MEGF6: variants seen among roughly 807,000 people sequenced by gnomAD.
MEGF6 encodes multiple epidermal growth factor-like domains protein 6.
In MEGF6, 184 loss-of-function variants were observed where a neutral mutation model predicts 207.1. That is an observed-to-expected ratio of 0.89 (90% CI 0.79 to 1.00). The LOEUF is 1.00. Ranked by LOEUF, MEGF6 falls within the 50% of genes least tolerant of loss-of-function variation. MEGF6 has a pLI of 0.00. For missense variants in MEGF6, 2,282 were observed against 2,202.9 expected, an observed-to-expected ratio of 1.04 and a Z score of -0.72; for synonymous variants, 1,038 against 910.0, an observed-to-expected ratio of 1.14 and a Z score of -2.53.
intron 4 of MEGF6, among the ~76,000 whole-genome samples, chr1:3,537,541 C>A (rs941970955): frequency 6.6e-6 from 1 of 152,358 alleles, no homozygotes; most frequent in Admixed American, 6.5e-5. Context: ...GGACCCTGAA[C>A]GAGTGGCCGG....
At chr1:3,496,315 C>A (rs1030495719) in intron 29 of MEGF6, among the ~76,000 whole-genome samples, 3 of 152,254 alleles carry the variant, frequency 2.0e-5, no homozygotes, top group African/African-American at 4.8e-5. Context: ...AGGGAAGAGG[C>A]CCGTTTCCCA....
intron 4 of MEGF6, among the ~76,000 whole-genome samples, chr1:3,544,867 G>C (rs1402501102): frequency 1.3e-5 from 2 of 152,214 alleles, no homozygotes; most frequent in African/African-American, 2.4e-5. Context: ...TGGAGCTGGG[G>C]GCAGGGTGGC....
upstream of MEGF6, among the ~76,000 whole-genome samples, chr1:3,614,502 A>G (rs540602953): frequency 5.3e-5 from 8 of 152,234 alleles, no homozygotes; most frequent in Non-Finnish European, 1.0e-4. Context: ...ATATTCTCCA[A>G]GAATGATCTT....
At chr1:3,495,174 A>G (rs1027615828) in intron 30 of MEGF6, among the ~76,000 whole-genome samples, 20 of 152,180 alleles carry the variant, frequency 1.3e-4, no homozygotes, top group African/African-American at 4.6e-4. Flanking sequence ...TTACAGCCGG[A>G]TGCCTGATGA....
intron 5 of MEGF6, among the ~76,000 whole-genome samples, chr1:3,520,357 T>C (rs953901235): frequency 2.6e-5 from 4 of 152,182 alleles, no homozygotes; most frequent in Admixed American, 2.6e-4. Flanking sequence ...CCTCTCTGAG[T>C]GTTGCACGCT....
Position 3,494,115 on chromosome 1 carries a change from G to C in MEGF6, c.4139C>G (p.Pro1380Arg). 1 of 1,571,010 alleles carries C rather than the reference G, an allele frequency of 6.4e-7. No individual in the cohort carries two copies. Among genetic ancestry groups the C allele is most frequent in the Non-Finnish European group, 8.6e-7 (1 of 1,157,632 alleles). The change falls in exon 33 of 37, where the codon CCT (proline) becomes CGT (arginine). Residue 1380 changes from proline (P) to arginine (R), a missense_variant. Pro to Arg is a moderately radical substitution (Grantham distance 103). Transcript: ENST00000356575. ...CTGGCAGCCAGCCCCGTGGAAGCCAGGGGGACAGGCTGAAGGACGCCGGTT... is the reference window on the plus strand; with the variant it reads ...CTGGCAGCCAGCCCCGTGGAAGCCACGGGGACAGGCTGAAGGACGCCGGTT... ...YGQACEHPCP[P>R]GFHGAGCQGL... is the part of the protein sequence containing the mutation.
chr1:3,583,952 G>A (rs928449073), intron 3 of MEGF6, among the ~76,000 whole-genome samples: 1 of 152,228 alleles, frequency 6.6e-6, no homozygotes, highest in African/African-American at 2.4e-5. Context: ...CCGGCCTCCA[G>A]AGCTGTCGAG....
At chr1:3,603,698 C>A (rs1169909257) in intron 1 of MEGF6, among the ~76,000 whole-genome samples, 1 of 152,132 alleles carries the variant, frequency 6.6e-6, no homozygotes, top group Non-Finnish European at 1.5e-5. Flanking sequence ...AGGTCCCCAC[C>A]CCACCGGGAA....
chr1:3,568,920 T>C (rs1643423524), intron 4 of MEGF6, among the ~76,000 whole-genome samples: 1 of 152,178 alleles, frequency 6.6e-6, no homozygotes, highest in South Asian at 2.1e-4. Flanking sequence ...CTAGCCTCTC[T>C]ACCCAGAAAA....
In MEGF6 at chr1:3,499,571, G is replaced by A. The variant is rs1309180460; in HGVS notation, c.2965+17C>T. On this transcript the variant is annotated intron_variant, in intron 23 of 36. Transcript: ENST00000356575. ...CCCCTCCTGCAGCACCCCGGGCTGA[G>A]CAGGGACCTCACGCACTCTCGGCAC... 1 of 1,567,824 alleles carries A rather than the reference G, an allele frequency of 6.4e-7. No individual in the cohort carries two copies. Among genetic ancestry groups the A allele is most frequent in the Admixed American group, 1.9e-5 (1 of 53,892 alleles).
In MEGF6 at chr1:3,565,258, T is replaced by C. The variant is rs1031055344; in HGVS notation, c.481+14567A>G. Among the ~76,000 whole-genome samples, 3 of 151,476 alleles carry C rather than the reference T, an allele frequency of 2.0e-5. No individual in the cohort carries two copies. Among genetic ancestry groups the C allele is most frequent in the East Asian group, 1.9e-4 (1 of 5,134 alleles). ...CAGGCGCCTCCTTGTTTATCAGACA[T>C]GGCACCGAGATGGCATCAGCAGTGG... On this transcript the variant is annotated intron_variant, in intron 4 of 36. Coordinates refer to ENST00000356575, the MANE Select transcript of MEGF6 (RefSeq NM_001409.4). The surrounding 1 kb of genome is among the most constrained non-coding windows in gnomAD (Gnocchi z 4.8).
rs1381360035 is a variant in MEGF6, at chr1:3,594,779, C to A, written c.376+559G>T. Among the ~76,000 whole-genome samples, 1 of 152,212 alleles carries A rather than the reference C, an allele frequency of 6.6e-6. No homozygotes were observed. The highest frequency in any genetic ancestry group is 1.5e-5 in the Non-Finnish European group (1 of 68,038). ...CAGTCCTGGGCCCCCATCTCTGAGC[C>A]CCAGCACATCAGCACCTGCCCGGGT... On this transcript the variant is annotated intron_variant, in intron 3 of 36. Coordinates refer to ENST00000356575, the MANE Select transcript of MEGF6 (RefSeq NM_001409.4). This position sits in a 1 kb window ranked among gnomAD's most constrained non-coding sequence, Gnocchi z 4.2.
At chr1:3,526,114 C>G (rs1033564057) in intron 4 of MEGF6, among the ~76,000 whole-genome samples, 3 of 152,212 alleles carry the variant, frequency 2.0e-5, no homozygotes, top group Non-Finnish European at 4.4e-5. Context: ...AGAGAACACG[C>G]CATGACCCCC....
intron 26 of MEGF6, 90 bp from the exon 27 acceptor site, chr1:3,497,451 C>T (rs764907901): frequency 1.4e-5 from 19 of 1,380,542 alleles, no homozygotes; most frequent in East Asian, 1.3e-4. Flanking sequence ...GCTGTGGGTA[C>T]GACCCACCCA....
At chr1:3,587,281 A>G (rs974877765) in intron 3 of MEGF6, among the ~76,000 whole-genome samples, 1 of 152,258 alleles carries the variant, frequency 6.6e-6, no homozygotes, top group Non-Finnish European at 1.5e-5. Flanking sequence ...CCTCGTGGAA[A>G]GAAGTCAGCA....
chr1:3,515,703 C>T (rs1247676284), intron 5 of MEGF6, among the ~76,000 whole-genome samples, 176 bp from the exon 6 acceptor site: 10 of 152,234 alleles, frequency 6.6e-5, no homozygotes, highest in Admixed American at 5.2e-4. Flanking sequence ...GCTCCCTGCC[C>T]GGCTCACAGG....
At chr1:3,540,763 A>C (rs994402445) in intron 4 of MEGF6, among the ~76,000 whole-genome samples, 6 of 152,160 alleles carry the variant, frequency 3.9e-5, no homozygotes, top group African/African-American at 1.4e-4. Context: ...TTTCTGGGGC[A>C]GTCATCCCAT....
At chr1:3,542,373 C>G (rs927603318) in intron 4 of MEGF6, among the ~76,000 whole-genome samples, 1 of 152,236 alleles carries the variant, frequency 6.6e-6, no homozygotes, top group Admixed American at 6.5e-5. Context: ...TGGGAATGTT[C>G]ACAGGACTGA....
At chr1:3,531,399 C>T in intron 4 of MEGF6, 4 of 1,153,510 alleles carry the variant, frequency 3.5e-6, no homozygotes, top group Middle Eastern at 3.6e-4. Flanking sequence ...CGGCGCCGCC[C>T]GGGAGCCGCT....
Sources: gnomAD v4.1 joint callset for allele counts (sites outside exome capture counted in the v4.1 genomes callset) on GRCh38, gnomAD v4.1.1 for gene constraint, Gnocchi (gnomAD v3.1) non-coding constraint, MANE v1.5 for transcripts, NCBI Gene and HGNC (gene_info 2026-07-23, HGNC 2026-07-21) for gene names.